Variants in PSMC4 observed in about 807,000 individuals in gnomAD.
The protein encoded by PSMC4 is proteasome 26S subunit, ATPase 4, also known as 26S proteasome regulatory subunit 6B.
Under a neutral mutation model 48.4 loss-of-function variants are expected in PSMC4, and 13 were observed. That is an observed-to-expected ratio of 0.27 (90% CI 0.18 to 0.43). The LOEUF (loss-of-function observed/expected upper bound fraction) is 0.43. PSMC4 is among the 20% of genes least tolerant of loss of function. PSMC4 has a pLI of 1.00. For synonymous variants in PSMC4, 202 were observed against 212.3 expected, an observed-to-expected ratio of 0.95 and a Z score of 0.42; for missense variants, 262 against 555.9, an observed-to-expected ratio of 0.47 and a Z score of 5.32.
intron 3 of PSMC4, among the ~76,000 whole-genome samples, chr19:39,973,975 T>G (rs1599726842): frequency 6.6e-6 from 1 of 151,962 alleles, no homozygotes; most frequent in Non-Finnish European, 1.5e-5. Context: ...ATGGGAGGTG[T>G]CCAGGAGGCT....
rs777619101 is a variant in PSMC4, at chr19:39,980,766, C to A, written c.1143+49C>A. 1 of 1,580,760 alleles carries A rather than the reference C, an allele frequency of 6.3e-7. No homozygotes were observed. Among genetic ancestry groups the A allele is most frequent in the Non-Finnish European group, 8.7e-7 (1 of 1,150,016 alleles). ...TCCAGGCAGCGGGTGTGTGAGGACC[C>A]TTCTTCTCTGAACCACTCTGCTGCA... On this transcript the variant is annotated intron_variant, in intron 10 of 10. Coordinates refer to ENST00000157812, the MANE Select transcript of PSMC4 (RefSeq NM_006503.4). The surrounding 1 kb of genome is among the most constrained non-coding windows in gnomAD (Gnocchi z 4.8).
chr19:39,980,562 G>C lies in PSMC4; in HGVS notation c.1088-100G>C. 6.3e-7 allele frequency: 1 copy of C among 1,586,650 alleles called. No individual in the cohort carries two copies. Among genetic ancestry groups the C allele is most frequent in the South Asian group, 1.1e-5 (1 of 90,224 alleles). On this transcript the variant is annotated intron_variant, in intron 9 of 10. Transcript: ENST00000157812. This position sits in a 1 kb window ranked among gnomAD's most constrained non-coding sequence, Gnocchi z 4.8. ...CCCAGACTGTGCAGGTGGGACCAAG[G>C]TCCAGGGAGGAGGGGAGGTGACAGA...
Position 39,980,219 on chromosome 19 carries a change from G to C in PSMC4, c.919-67G>C. On this transcript the variant is annotated intron_variant, in intron 8 of 10. Coordinates refer to ENST00000157812, the MANE Select transcript of PSMC4 (RefSeq NM_006503.4). The surrounding 1 kb of genome is among the most constrained non-coding windows in gnomAD (Gnocchi z 4.8). ...GAAAGTTGGGGGCTGGCACCTAAGG[G>C]GTGGTTATCGTGACAGGAAGGAGGT... The C allele has an allele frequency of 6.2e-7, 1 of 1,613,632 alleles. No homozygotes were observed. Among genetic ancestry groups the C allele is most frequent in the Non-Finnish European group, 8.5e-7 (1 of 1,179,650 alleles).
At chr19:39,976,747 G>A (rs914420749) in intron 6 of PSMC4, among the ~76,000 whole-genome samples, 14 of 151,854 alleles carry the variant, frequency 9.2e-5, no homozygotes, top group Non-Finnish European at 1.6e-4. Context: ...CTGACCTCAT[G>A]ATCCGCCCGC....
At position 39,974,710 on chromosome 19, in the gene PSMC4, T is replaced by C; in HGVS notation, c.580-25T>C. On this transcript the variant is annotated intron_variant, in intron 5 of 10. Transcript: ENST00000157812. The surrounding 1 kb of genome is among the most constrained non-coding windows in gnomAD (Gnocchi z 5.5). ...TGGAGGTGGAACCCCTGACTCCCAC[T>C]TCTCTTCCTTCCTCTGGGTTTCAGA... 6.2e-7 allele frequency: 1 copy of C among 1,613,344 alleles called. No homozygotes were observed. The highest frequency in any genetic ancestry group is 8.5e-7 in the Non-Finnish European group (1 of 1,179,308).
intron 6 of PSMC4, among the ~76,000 whole-genome samples, chr19:39,977,751 G>A (rs1455903615): frequency 6.6e-6 from 1 of 152,024 alleles, no homozygotes; most frequent in Non-Finnish European, 1.5e-5. Context: ...GAACCCAGGA[G>A]GCCAAGGTTG....
chr19:39,974,708 ACTTCT>A lies in PSMC4; in HGVS notation c.580-22_580-18del. ...GTTGGAGGTGGAACCCCTGACTCCC[ACTTCT>A]CTTCCTTCCTCTGGGTTTCAGATCG... On this transcript the variant is annotated intron_variant, in intron 5 of 10. Transcript: ENST00000157812. The surrounding 1 kb of genome is among the most constrained non-coding windows in gnomAD (Gnocchi z 5.5). The A allele has an allele frequency of 1.2e-6, 2 of 1,613,086 alleles. No homozygotes were observed. The highest frequency in any genetic ancestry group is 8.5e-7 in the Non-Finnish European group (1 of 1,179,184).
rs55787243 is a variant in PSMC4, at chr19:39,974,469, C to A, written c.469+29C>A. On this transcript the variant is annotated intron_variant, in intron 4 of 10. Coordinates refer to ENST00000157812, the MANE Select transcript of PSMC4 (RefSeq NM_006503.4). This position sits in a 1 kb window ranked among gnomAD's most constrained non-coding sequence, Gnocchi z 5.5. ...AAGGGGGAGCCTGCAGCTGGGAGGG[C>A]CCCATGGGGACCTTGAGGACCTGGC... 16,625 of 1,613,376 alleles carry A rather than the reference C, an allele frequency of 0.01. 121 individuals carry two copies. Among genetic ancestry groups the A allele is most frequent in the Non-Finnish European group, 0.013 (15,376 of 1,179,548 alleles).
intron 1 of PSMC4, 132 bp from the exon 2 acceptor site, chr19:39,972,014 A>T: frequency 1.2e-6 from 1 of 814,882 alleles, no homozygotes; most frequent in Non-Finnish European, 2.0e-6. Flanking sequence ...AGAGGGTCTT[A>T]AGATATCAGG....
At position 39,980,084 on chromosome 19, in the gene PSMC4, C is replaced by T; in HGVS notation, c.856C>T (p.Gln286Ter). The change falls in exon 8 of 11, where the codon CAG becomes TAG. Residue 286 changes from glutamine to a stop codon, truncating the protein, a stop_gained. Transcript: ENST00000157812. LOFTEE classifies it high-confidence loss of function. The surrounding 1 kb of genome is among the most constrained non-coding windows in gnomAD (Gnocchi z 4.8). ...TGCACTCTCAGCCGACAGGGAGGTT[C>T]AGAGGATCCTGCTGGAGCTGCTGAA... ...DAQTGADREVQRILLELLNQM... is the reference protein window; with the variant it reads ...DAQTGADREV 3 of 1,614,088 alleles carry T rather than the reference C, an allele frequency of 1.9e-6. No homozygotes were observed. The highest frequency in any genetic ancestry group is 2.5e-6 in the Non-Finnish European group (3 of 1,180,036).
chr19:39,972,159 C>G lies in PSMC4; in HGVS notation c.50C>G (p.Ala17Gly), dbSNP rs1409412450. Residue 17 changes from alanine (A) to glycine (G), a missense_variant, in exon 2 of 11, where the codon GCA (alanine) becomes GGA (glycine). Physicochemically the swap from Ala to Gly is moderately conservative, Grantham distance 60. Around this residue, in one of 4 missense-constraint regions of PSMC4, gnomAD observed 33 missense variants for 35.5 expected, o/e 0.93. Coordinates refer to ENST00000157812, the MANE Select transcript of PSMC4 (RefSeq NM_006503.4). ...LVEKAQDEIP[A>G]LSVSRPQTGL... is the part of the protein sequence containing the mutation. ...CCTTTCGTCTAGGATGAGATCCCAG[C>G]ACTGTCCGTGTCCCGGCCCCAGACC... 1 of 1,614,048 alleles carries G rather than the reference C, an allele frequency of 6.2e-7. No homozygotes were observed. The highest frequency in any genetic ancestry group is 8.5e-7 in the Non-Finnish European group (1 of 1,179,920).
Position 39,974,264 on chromosome 19 carries a change from C to T in PSMC4, c.323-30C>T, listed in dbSNP as rs778140561. ...GGAAGGGGCAGTTTCCAGGCTGACA[C>T]TTCTCGTTTTCCTCTCTCCCTTCTC... is the stretch of plus-strand genomic sequence containing the variant. On this transcript the variant is annotated intron_variant, in intron 3 of 10. Transcript: ENST00000157812. This position sits in a 1 kb window ranked among gnomAD's most constrained non-coding sequence, Gnocchi z 5.5. 2 of 1,611,704 alleles carry T rather than the reference C, an allele frequency of 1.2e-6. No homozygotes were observed. The highest frequency in any genetic ancestry group is 1.7e-6 in the Non-Finnish European group (2 of 1,178,436).
rs917546578 is a variant in PSMC4 at position 39,981,429 on chromosome 19, A to T, written c.*124A>T. The stretch of plus-strand genomic sequence containing the variant: ...GGATTGGTTTCTTCAATAAATAGAT[A>T]AGATCGAATCCATTTAATTTCTTCT... On this transcript the variant is annotated 3_prime_UTR_variant, in exon 11 of 11. Coordinates refer to ENST00000157812, the MANE Select transcript of PSMC4 (RefSeq NM_006503.4). 3.0e-6 allele frequency: 2 copies of T among 667,526 alleles called. No individual in the cohort carries two copies. Among genetic ancestry groups the T allele is most frequent in the Non-Finnish European group, 5.3e-6 (2 of 377,050 alleles). The allele number at this position is 667,526 out of a possible 1,614,324, so 41.4% of individuals were successfully genotyped here. A position where few individuals can be genotyped will look rare whatever the true frequency, so the allele number is the denominator to read the frequency against.
intron 10 of PSMC4, 80 bp from the exon 11 acceptor site, chr19:39,981,112 C>T (rs1210275429): frequency 1.9e-6 from 2 of 1,077,586 alleles, no homozygotes; most frequent in African/African-American, 1.5e-5. Context: ...ATACCTCAGC[C>T]TCCCAAAGTG....
rs765532549 is a variant in PSMC4, at chr19:39,981,178, T to C, written c.1144-14T>C. 6.2e-7 allele frequency: 1 copy of C among 1,604,888 alleles called. No homozygotes were observed. The highest frequency in any genetic ancestry group is 2.2e-5 in the East Asian group (1 of 44,822). ...TGCCACAGGAAGTAGATTTTAACTC[T>C]CATCCTTCAACAGAGTGGAATGTTG... On this transcript the variant is annotated splice_polypyrimidine_tract_variant and intron_variant, in intron 10 of 10. Coordinates refer to ENST00000157812, the MANE Select transcript of PSMC4 (RefSeq NM_006503.4).
In PSMC4 at chr19:39,974,294, G is replaced by C; in HGVS notation, c.323G>C (p.Gly108Ala). Reference sequence around the variant, plus strand: ...CGTTTTCCTCTCTCCCTTCTCGCAGGCTCCAACTATTATGTGCGCATCCTG... The same window carrying C: ...CGTTTTCCTCTCTCCCTTCTCGCAGCCTCCAACTATTATGTGCGCATCCTG... The part of the protein sequence containing the change: ...QNTAIVGSTT[G>A]SNYYVRILST... The change falls in exon 4 of 11, where the codon GGC becomes GCC. Residue 108 changes from glycine to alanine, a missense_variant and splice_region_variant. This residue lies in a region of PSMC4 where 131 missense variants were observed against 276.7 expected (regional missense o/e 0.47). Transcript: ENST00000157812. This position sits in a 1 kb window ranked among gnomAD's most constrained non-coding sequence, Gnocchi z 5.5. The C allele has an allele frequency of 6.2e-7, 1 of 1,613,964 alleles. No homozygotes were observed. Among genetic ancestry groups the C allele is most frequent in the Non-Finnish European group, 8.5e-7 (1 of 1,179,968 alleles).
chr19:39,981,222 T>C lies in PSMC4; in HGVS notation c.1174T>C (p.Tyr392His). 1.2e-6 allele frequency: 2 copies of C among 1,614,014 alleles called. No homozygotes were observed. The highest frequency in any genetic ancestry group is 1.7e-6 in the Non-Finnish European group (2 of 1,179,974). Reference protein sequence around the residue: ...SGMLAVRENRYIVLAKDFEKA... With the variant: ...SGMLAVRENRHIVLAKDFEKA... ...AATGTTGGCTGTCCGTGAAAACCGC[T>C]ACATTGTCCTGGCCAAGGACTTCGA... is the stretch of plus-strand genomic sequence containing the variant. Residue 392 changes from tyrosine (Y) to histidine (H), a missense_variant, in exon 11 of 11, where the codon TAC becomes CAC. Tyr to His is a moderately conservative substitution (Grantham distance 83). This residue lies in a region of PSMC4 where 84 missense variants were observed against 157.8 expected (regional missense o/e 0.53). Coordinates refer to ENST00000157812, the MANE Select transcript of PSMC4 (RefSeq NM_006503.4).
At chr19:39,971,847 T>C (rs569307448) in intron 1 of PSMC4, among the ~76,000 whole-genome samples, 128 of 152,128 alleles carry the variant, frequency 8.4e-4, no homozygotes, top group African/African-American at 2.9e-3. Context: ...GGCATTTGGG[T>C]CTGATAAGGA....
intron 6 of PSMC4, among the ~76,000 whole-genome samples, chr19:39,975,583 C>G (rs1364540823): frequency 6.6e-6 from 1 of 152,092 alleles, no homozygotes; most frequent in Non-Finnish European, 1.5e-5. Context: ...GCTAGACTGC[C>G]TGGCTTTGAA....
Sources: allele counts gnomAD v4.1 joint callset (sites outside exome capture counted in the v4.1 genomes callset), GRCh38; gene constraint gnomAD v4.1.1; regional missense constraint gnomAD v4.1.1; non-coding constraint Gnocchi (gnomAD v3.1); transcripts MANE v1.5; gene names NCBI Gene and HGNC (gene_info 2026-07-23, HGNC 2026-07-21).